Variants in DACH1 observed in about 807,000 individuals in gnomAD.
DACH1 encodes dachshund homolog 1.
Under a neutral mutation model 54.2 loss-of-function variants are expected in DACH1, and 12 were observed. That is an observed-to-expected ratio of 0.22 (90% CI 0.14 to 0.36). The LOEUF (loss-of-function observed/expected upper bound fraction) is 0.36, where lower values mean the gene tolerates loss of function less well. Among genes scored for constraint, DACH1 ranks in the 10% least tolerant of loss-of-function variants. The pLI, the probability that DACH1 is intolerant of heterozygous loss-of-function variation, is 1.00. For synonymous variants in DACH1, 386 were observed against 366.2 expected, an observed-to-expected ratio of 1.05 and a Z score of -0.62; for missense variants, 805 against 929.8, an observed-to-expected ratio of 0.87 and a Z score of 1.75.
intron 6 of DACH1, among the ~76,000 whole-genome samples, chr13:71,515,540 T>C (rs1342401415): frequency 6.6e-6 from 1 of 151,974 alleles, no homozygotes; most frequent in African/African-American, 2.4e-5. Flanking sequence ...AGTTTAGATG[T>C]GTAGATTTGT....
At chr13:71,464,874 G>A (rs2138147781) in intron 10 of DACH1, 2 of 334,046 alleles carry the variant, frequency 6.0e-6, no homozygotes, top group Non-Finnish European at 1.1e-5. Context: ...CAGAAACAGG[G>A]AAACTGGAAG....
rs540262799 is a variant in DACH1, at chr13:71,766,419, G to A, written c.849-84509C>T. Among the ~76,000 whole-genome samples, 51 of 152,178 alleles carry A rather than the reference G, an allele frequency of 3.4e-4. 1 individual carries two copies. Among genetic ancestry groups the A allele is most frequent in the Admixed American group, 2.2e-3 (34 of 15,300 alleles). On this transcript the variant is annotated intron_variant, in intron 1 of 10. Transcript: ENST00000613252. ...TTTAAAGCAACCCAGTTTTTTCTAA[G>A]GTGTAGCCAGGTTTGAGACCTACTG... is the stretch of plus-strand genomic sequence containing the variant.
chr13:71,680,098 T>C (rs979953125), intron 2 of DACH1, among the ~76,000 whole-genome samples: 1 of 152,188 alleles, frequency 6.6e-6, no homozygotes, highest in Non-Finnish European at 1.5e-5. Flanking sequence ...GTACTACCTA[T>C]TTGATTTTTC....
chr13:71,786,527 A>G (rs145357301), intron 1 of DACH1, among the ~76,000 whole-genome samples: 28 of 152,312 alleles, frequency 1.8e-4, no homozygotes, highest in African/African-American at 6.7e-4. Context: ...TAGAAAGTAA[A>G]AAGGTTAATA....
At chr13:71,628,360 T>G (rs1459247799) in intron 3 of DACH1, among the ~76,000 whole-genome samples, 1 of 152,062 alleles carries the variant, frequency 6.6e-6, no homozygotes, top group Non-Finnish European at 1.5e-5. Context: ...AAATTGGAAA[T>G]TCTTAGAGGA....
chr13:71,700,656 G>A (rs1882089580), intron 1 of DACH1, among the ~76,000 whole-genome samples: 1 of 150,702 alleles, frequency 6.6e-6, no homozygotes, highest in South Asian at 2.1e-4. Flanking sequence ...TACATTTAAG[G>A]ACTTGCCATA....
At chr13:71,633,887 G>C (rs1877282390) in intron 2 of DACH1, among the ~76,000 whole-genome samples, 2 of 151,656 alleles carry the variant, frequency 1.3e-5, no homozygotes, top group African/African-American at 2.4e-5. Flanking sequence ...CAATATAATA[G>C]CACGTCCCCC....
At chr13:71,493,496 G>A (rs978028205) in intron 6 of DACH1, among the ~76,000 whole-genome samples, 2 of 152,100 alleles carry the variant, frequency 1.3e-5, no homozygotes, top group Non-Finnish European at 2.9e-5. Context: ...CTACATAAAT[G>A]TTTGTTGGTT....
chr13:71,614,592 GC>G (rs1357693038), intron 3 of DACH1, among the ~76,000 whole-genome samples: 1 of 152,104 alleles, frequency 6.6e-6, no homozygotes, highest in Admixed American at 6.6e-5. Flanking sequence ...AATGGTTTGT[GC>G]CAGTAATCCT....
chr13:71,749,608 T>C (rs1884833143), intron 1 of DACH1, among the ~76,000 whole-genome samples: 1 of 152,154 alleles, frequency 6.6e-6, no homozygotes, highest in Non-Finnish European at 1.5e-5. Flanking sequence ...TCAGCCTCTT[T>C]CAAATGAGAA....
Position 71,759,165 on chromosome 13 carries a change from G to A in DACH1, c.849-77255C>T, listed in dbSNP as rs1404742573. ...TCTGACAGTTCACCAGTTTTAAGCT[G>A]CACTAAGACTTGATGACCTTTTCAT... On this transcript the variant is annotated intron_variant, in intron 1 of 10. Transcript: ENST00000613252. Among the ~76,000 whole-genome samples, 5 of 151,598 alleles carry A rather than the reference G, an allele frequency of 3.3e-5. No individual in the cohort carries two copies. In the East Asian group the frequency reaches 9.6e-4, roughly 29 times the overall value.
At chr13:71,700,594 G>A (rs1230291013) in intron 1 of DACH1, among the ~76,000 whole-genome samples, 1 of 149,314 alleles carries the variant, frequency 6.7e-6, no homozygotes, top group African/African-American at 2.5e-5. Context: ...AAGAGAGAGA[G>A]AGAGAGAGAG....
chr13:71,440,577 T>G lies in DACH1; in HGVS notation c.*78A>C, dbSNP rs1011737134. On this transcript the variant is annotated 3_prime_UTR_variant, in exon 11 of 11. Transcript: ENST00000613252. Reference sequence around the variant, plus strand: ...GAAGTTCCCTTAAAAGGACTTTATTTTTTTCTGAACTTTCCCATGACGAAT... The same window carrying G: ...GAAGTTCCCTTAAAAGGACTTTATTGTTTTCTGAACTTTCCCATGACGAAT... The G allele has an allele frequency of 3.3e-6, 4 of 1,210,816 alleles. No homozygotes were observed. The highest frequency in any genetic ancestry group is 4.7e-6 in the Non-Finnish European group (4 of 848,734). The allele number at this position is 1,210,816 out of a possible 1,614,324, so 75.0% of individuals were successfully genotyped here. A position where few individuals can be genotyped will look rare whatever the true frequency, so the allele number is the denominator to read the frequency against.
intron 1 of DACH1, among the ~76,000 whole-genome samples, chr13:71,733,715 C>T (rs996723309): frequency 3.6e-4 from 54 of 152,004 alleles, no homozygotes; most frequent in African/African-American, 1.2e-3. Flanking sequence ...TCATAAGGTG[C>T]CATTTTATTA....
At chr13:71,776,363 TG>T (rs147768761) in intron 1 of DACH1, among the ~76,000 whole-genome samples, 5 of 152,272 alleles carry the variant, frequency 3.3e-5, no homozygotes, top group East Asian at 1.9e-4. Context: ...AGAGTTACCA[TG>T]GCTAATTTTG....
intron 8 of DACH1, among the ~76,000 whole-genome samples, chr13:71,478,033 T>G (rs1332804279): frequency 6.6e-6 from 1 of 152,152 alleles, no homozygotes; most frequent in Non-Finnish European, 1.5e-5. Context: ...AAGGGTTACT[T>G]TAGGAATCCC....
intron 1 of DACH1, among the ~76,000 whole-genome samples, chr13:71,842,251 C>T (rs1330436501): frequency 6.6e-6 from 1 of 152,100 alleles, no homozygotes; most frequent in Non-Finnish European, 1.5e-5. Context: ...AAAAATAATA[C>T]TGATAGCAGA....
At chr13:71,824,184 CA>C (rs1286512796) in intron 1 of DACH1, among the ~76,000 whole-genome samples, 13 of 151,818 alleles carry the variant, frequency 8.6e-5, no homozygotes, top group Admixed American at 5.9e-4. Context: ...AAACTCTACA[CA>C]TTAATCACTA....
intron 1 of DACH1, among the ~76,000 whole-genome samples, chr13:71,734,167 C>T (rs1266184585): frequency 1.8e-5 from 2 of 109,972 alleles, no homozygotes; most frequent in African/African-American, 7.0e-5. Flanking sequence ...ATACGTATAC[C>T]CCATATATAT....
Sources: allele counts gnomAD v4.1 joint callset (sites outside exome capture counted in the v4.1 genomes callset), GRCh38; gene constraint gnomAD v4.1.1; transcripts MANE v1.5; gene names NCBI Gene and HGNC (gene_info 2026-07-23, HGNC 2026-07-21).